SUCLA2: variants seen among roughly 807,000 people sequenced by gnomAD.
SUCLA2 encodes the protein succinate--CoA ligase [ADP-forming] subunit beta, mitochondrial.
SUCLA2 carries 30 observed loss-of-function variants against 54.8 expected under a neutral mutation model. The observed-to-expected ratio is 0.55, with a 90% CI of 0.41 to 0.74. The LOEUF (loss-of-function observed/expected upper bound fraction) is 0.74, where lower values mean the gene tolerates loss of function less well. Among genes scored for constraint, SUCLA2 ranks in the 30% least tolerant of loss-of-function variants. The probability of loss-of-function intolerance (pLI) is 0.00; values close to 1 mark genes in which losing one functional copy is unlikely to be tolerated. For missense variants in SUCLA2, 476 were observed against 562.9 expected, an observed-to-expected ratio of 0.85 and a Z score of 1.56; for synonymous variants, 172 against 188.9, an observed-to-expected ratio of 0.91 and a Z score of 0.74.
chr13:47,988,953 CT>C lies in SUCLA2; in HGVS notation c.299del (p.Gln100ArgfsTer3). The C allele has an allele frequency of 1.2e-6, 2 of 1,613,706 alleles. No homozygotes were observed. The part of the protein sequence containing the change: ...LGSKDVVIKA[Q>X]VLAGGRGKGT... ...CTTTTCCTCTACCACCAGCTAAAAC[CT>C]GTGCCTTTATCACGACATCTTTTGA... On this transcript the variant is annotated frameshift_variant, in exon 3 of 11. Coordinates refer to ENST00000646932, the MANE Select transcript of SUCLA2 (RefSeq NM_003850.3). LOFTEE classifies it high-confidence loss of function.
chr13:47,989,901 A>T (rs1950136569), intron 2 of SUCLA2, among the ~76,000 whole-genome samples: 1 of 152,246 alleles, frequency 6.6e-6, no homozygotes, highest in Admixed American at 6.5e-5. Flanking sequence ...CTATGCTTGC[A>T]AAGCTTATGC....
intron 2 of SUCLA2, among the ~76,000 whole-genome samples, chr13:47,994,114 A>G (rs1950172590): frequency 6.6e-6 from 1 of 152,040 alleles, no homozygotes. Flanking sequence ...TGAATTTTGC[A>G]GAAAGTCAAA....
chr13:47,945,451 A>G (rs7324368), intron 10 of SUCLA2, among the ~76,000 whole-genome samples: 127,085 of 136,272 alleles, frequency 0.93, 59,308 homozygotes, highest in East Asian at 0.99. Context: ...AAAATCAAGA[A>G]TCTACTATTG....
intron 1 of SUCLA2, chr13:48,000,910 C>CA (rs1372652106): frequency 1.2e-5 from 16 of 1,356,898 alleles, no homozygotes; most frequent in Non-Finnish European, 1.2e-5. Context: ...AGCCCACCTG[C>CA]TCCCGCCCAT....
intron 2 of SUCLA2, among the ~76,000 whole-genome samples, 166 bp downstream of exon 2, chr13:47,996,677 A>ATAC (rs1367573537): frequency 6.6e-6 from 1 of 151,974 alleles, no homozygotes; most frequent in Non-Finnish European, 1.5e-5. Flanking sequence ...AATAATAATA[A>ATAC]TAATTTTAGA....
intron 4 of SUCLA2, among the ~76,000 whole-genome samples, chr13:47,982,658 AT>A (rs1436692672): frequency 6.6e-6 from 1 of 151,734 alleles, no homozygotes; most frequent in East Asian, 1.9e-4. Context: ...ATGCACTATT[AT>A]ACTGCATACT....
In SUCLA2 at chr13:47,996,909, C is replaced by A. The variant is rs771599779; in HGVS notation, c.205G>T (p.Val69Phe). The A allele has an allele frequency of 6.8e-6, 11 of 1,613,892 alleles. No homozygotes were observed. In the Admixed American group the frequency reaches 1.5e-4, roughly 22 times the overall value. The part of the protein sequence containing the change: ...MSMELLQEAG[V>F]SVPKGYVAKS... ...GCCACATATCCTTTGGGAACGGAGA[C>A]ACCAGCTTCTTGCAATAATTCCATA... Residue 69 changes from valine (V) to phenylalanine (F), a missense_variant, in exon 2 of 11, where the codon GTC becomes TTC. Val to Phe is a conservative substitution (Grantham distance 50, BLOSUM62 -1). Transcript: ENST00000646932.
intron 6 of SUCLA2, among the ~76,000 whole-genome samples, chr13:47,964,086 C>T (rs1486012176): frequency 2.6e-5 from 4 of 151,976 alleles, no homozygotes; most frequent in Non-Finnish European, 2.9e-5. Flanking sequence ...AAAGTGTAAA[C>T]GGTTGAATGA....
At chr13:47,961,412 A>T (rs1329591091) in intron 6 of SUCLA2, among the ~76,000 whole-genome samples, 1 of 152,182 alleles carries the variant, frequency 6.6e-6, no homozygotes, top group African/African-American at 2.4e-5. Context: ...GACATTTTAC[A>T]GTGACTTTGT....
chr13:47,969,975 G>A (rs1227231270), intron 5 of SUCLA2, among the ~76,000 whole-genome samples: 4 of 151,816 alleles, frequency 2.6e-5, no homozygotes, highest in Non-Finnish European at 5.9e-5. Context: ...GGTGACGCAT[G>A]CCTGTAATCC....
chr13:47,989,026 T>C (rs748195571), intron 2 of SUCLA2, 45 bp from the exon 3 acceptor site: 2 of 1,553,154 alleles, frequency 1.3e-6, no homozygotes, highest in South Asian at 2.2e-5. Context: ...TGGAGCAGCA[T>C]GCCAGACATA....
Position 47,954,262 on chromosome 13 carries a change from T to G in SUCLA2, c.985A>C (p.Met329Leu). ...GCLVNGAGLAMATMDIIKLHG... is the reference protein window; with the variant it reads ...GCLVNGAGLALATMDIIKLHG... ...AGTTTTATTATATCCATTGTGGCCA[T>G]AGCCAAACCAGCACCATTTACTATA... The change falls in exon 8 of 11, where the codon ATG (methionine) becomes CTG (leucine). Residue 329 changes from methionine (M) to leucine (L), a missense_variant. Transcript: ENST00000646932. The G allele has an allele frequency of 6.2e-7, 1 of 1,613,678 alleles. No individual in the cohort carries two copies. The highest frequency in any genetic ancestry group is 8.5e-7 in the Non-Finnish European group (1 of 1,179,672).
intron 4 of SUCLA2, among the ~76,000 whole-genome samples, chr13:47,985,722 G>C (rs1950097594): frequency 6.6e-6 from 1 of 152,036 alleles, no homozygotes; most frequent in Admixed American, 6.6e-5. Flanking sequence ...CTTTATAACA[G>C]AATGATTTAT....
intron 4 of SUCLA2, chr13:47,987,632 CAT>C (rs749200718): frequency 2.6e-5 from 4 of 151,916 alleles, no homozygotes; most frequent in Non-Finnish European, 4.4e-5. Context: ...TTGCAAAAGA[CAT>C]ATCATTCAAA....
intron 6 of SUCLA2, among the ~76,000 whole-genome samples, chr13:47,965,806 T>C (rs997455869): frequency 6.6e-6 from 1 of 152,242 alleles, no homozygotes; most frequent in African/African-American, 2.4e-5. Context: ...CCCAGGACTT[T>C]CGGAGGCCGA....
intron 2 of SUCLA2, among the ~76,000 whole-genome samples, chr13:47,994,621 G>A (rs997106539): frequency 6.7e-6 from 1 of 148,470 alleles, no homozygotes; most frequent in Non-Finnish European, 1.5e-5. Context: ...TTTCATAGAC[G>A]TTTCTAAATT....
intron 1 of SUCLA2, 52 bp from the exon 2 acceptor site, chr13:47,997,075 T>G (rs1950197600): frequency 1.3e-6 from 2 of 1,593,386 alleles, no homozygotes; most frequent in Non-Finnish European, 1.7e-6. Flanking sequence ...GCAGTCACTC[T>G]TGCTAACTAC....
intron 1 of SUCLA2, among the ~76,000 whole-genome samples, chr13:47,999,536 T>C (rs1174346045): frequency 6.6e-6 from 1 of 151,998 alleles, no homozygotes; most frequent in Admixed American, 6.6e-5. Context: ...TGAAACCCCG[T>C]CTTTACTAAA....
intron 8 of SUCLA2, among the ~76,000 whole-genome samples, chr13:47,951,335 A>G (rs1949774385): frequency 6.8e-6 from 1 of 147,376 alleles, no homozygotes; most frequent in African/African-American, 2.5e-5. Context: ...CCCAAGAAAA[A>G]GCCTCTAGTC....
Sources: allele counts gnomAD v4.1 joint callset (sites outside exome capture counted in the v4.1 genomes callset), GRCh38; gene constraint gnomAD v4.1.1; transcripts MANE v1.5; gene names NCBI Gene and HGNC (gene_info 2026-07-23, HGNC 2026-07-21).